Variants in PPP1R1C observed in about 807,000 individuals in gnomAD.
PPP1R1C encodes protein phosphatase 1 regulatory inhibitor subunit 1C, also known as protein phosphatase 1 regulatory subunit 1C.
A neutral mutation model predicts 17.4 loss-of-function variants in PPP1R1C; 15 were observed. That is an observed-to-expected ratio of 0.86 (90% confidence interval 0.58 to 1.33). PPP1R1C has a LOEUF of 1.33. Ranked by LOEUF, PPP1R1C falls within the 40% of genes most tolerant of loss-of-function variation. The pLI is 0.00. For synonymous variants in PPP1R1C, 35 were observed against 43.1 expected, an observed-to-expected ratio of 0.81 and a Z score of 0.73; for missense variants, 143 against 130.0, an observed-to-expected ratio of 1.10 and a Z score of -0.48.
At chr2:182,044,215 C>A (rs536267319) in intron 2 of PPP1R1C, among the ~76,000 whole-genome samples, 1 of 152,154 alleles carries the variant, frequency 6.6e-6, no homozygotes, top group South Asian at 2.1e-4. Flanking sequence ...AATGATCTTT[C>A]TACGAAAGAA....
At chr2:182,013,072 C>CCAT (rs1686141583) in intron 2 of PPP1R1C, among the ~76,000 whole-genome samples, 1 of 152,090 alleles carries the variant, frequency 6.6e-6, no homozygotes, top group Non-Finnish European at 1.5e-5. Context: ...ACCATAGTTA[C>CCAT]AGTGTCATAA....
intron 4 of PPP1R1C, among the ~76,000 whole-genome samples, chr2:182,068,772 A>G (rs1286974343): frequency 6.6e-6 from 1 of 152,242 alleles, no homozygotes; most frequent in Non-Finnish European, 1.5e-5. Context: ...TTGGGGTGCT[A>G]TAGCAGATTA....
At chr2:182,053,654 G>A (rs1248246372) in intron 2 of PPP1R1C, among the ~76,000 whole-genome samples, 1 of 151,808 alleles carries the variant, frequency 6.6e-6, no homozygotes, top group Non-Finnish European at 1.5e-5. Context: ...CTTGGCATCT[G>A]TTTTATTTAT....
chr2:182,009,647 C>A (rs978346258), intron 2 of PPP1R1C, among the ~76,000 whole-genome samples: 4 of 151,922 alleles, frequency 2.6e-5, no homozygotes, highest in Non-Finnish European at 5.9e-5. Flanking sequence ...TTCTATTTGT[C>A]CATTTTTGCT....
intron 2 of PPP1R1C, among the ~76,000 whole-genome samples, chr2:182,014,049 G>A (rs759853681): frequency 1.3e-5 from 2 of 152,162 alleles, no homozygotes; most frequent in Non-Finnish European, 2.9e-5. Flanking sequence ...ACCATATTTA[G>A]TTAGTTGTCG....
rs564418366 is a variant in PPP1R1C, at chr2:182,128,242, C to A, written c.*7-732C>A. Among the ~76,000 whole-genome samples, 28 of 152,086 alleles carry A rather than the reference C, an allele frequency of 1.8e-4. 2 individuals are homozygous for A. Among genetic ancestry groups the A allele is most frequent in the Admixed American group, 1.7e-3 (26 of 15,258 alleles). On this transcript the variant is annotated intron_variant, in intron 5 of 5. Coordinates refer to the PPP1R1C transcript ENST00000280295. ...ATGTAAACTAATAAAGTAATGAAAT[C>A]ATTTCTGATAATGATAAGTTTCTGG... is the stretch of plus-strand genomic sequence containing the variant.
intron 4 of PPP1R1C, among the ~76,000 whole-genome samples, chr2:182,074,950 T>A (rs1290099968): frequency 6.6e-6 from 1 of 152,158 alleles, no homozygotes; most frequent in Non-Finnish European, 1.5e-5. Context: ...ACACCCTAGG[T>A]CAGATTTTGA....
At chr2:181,964,759 G>T (rs1183493402) in intron 1 of PPP1R1C, among the ~76,000 whole-genome samples, 2 of 152,104 alleles carry the variant, frequency 1.3e-5, no homozygotes, top group East Asian at 3.9e-4. Flanking sequence ...AGGCTGAAGT[G>T]CAGTGGTGCA....
intron 2 of PPP1R1C, among the ~76,000 whole-genome samples, chr2:182,035,384 T>C (rs996915246): frequency 6.6e-6 from 1 of 152,246 alleles, no homozygotes; most frequent in African/African-American, 2.4e-5. Flanking sequence ...TAACAAATCA[T>C]GTAAGTGCCT....
At chr2:181,984,101 T>C (rs1685245417), upstream of PPP1R1C, among the ~76,000 whole-genome samples, 1 of 152,370 alleles carries the variant, frequency 6.6e-6, no homozygotes, top group South Asian at 2.1e-4. Context: ...TTAGTGATTC[T>C]GGTTGAAAAT....
chr2:182,034,096 AT>A (rs1180747139), intron 2 of PPP1R1C, among the ~76,000 whole-genome samples: 1 of 152,158 alleles, frequency 6.6e-6, no homozygotes, highest in Non-Finnish European at 1.5e-5. Flanking sequence ...TAATACATTT[AT>A]TTATTAGTTT....
intron 4 of PPP1R1C, among the ~76,000 whole-genome samples, chr2:182,069,704 A>G (rs1688087488): frequency 6.6e-6 from 1 of 152,186 alleles, no homozygotes; most frequent in Non-Finnish European, 1.5e-5. Flanking sequence ...TCATTTGTCT[A>G]TATATATGTT....
chr2:181,964,581 A>T (rs927755100), intron 1 of PPP1R1C, among the ~76,000 whole-genome samples: 12 of 152,164 alleles, frequency 7.9e-5, no homozygotes, highest in African/African-American at 2.9e-4. Context: ...TTACATTCCC[A>T]CCAATGGGGT....
intron 2 of PPP1R1C, among the ~76,000 whole-genome samples, chr2:182,058,808 G>T (rs953260502): frequency 6.6e-6 from 1 of 152,068 alleles, no homozygotes; most frequent in African/African-American, 2.4e-5. Flanking sequence ...TTTCCTTAGC[G>T]TTGTCTCTGC....
chr2:182,063,703 G>C, intron 3 of PPP1R1C, 28 bp from the exon 4 acceptor site: 1 of 1,590,708 alleles, frequency 6.3e-7, no homozygotes, highest in Non-Finnish European at 8.6e-7. Context: ...CAAATCTAAG[G>C]CTTTTACTTT....
intron 4 of PPP1R1C, among the ~76,000 whole-genome samples, chr2:182,112,947 A>G (rs1559098004): frequency 1.3e-5 from 2 of 152,212 alleles, no homozygotes; most frequent in African/African-American, 2.4e-5. Context: ...TTGGGCCATT[A>G]TATCATTTGA....
intron 2 of PPP1R1C, among the ~76,000 whole-genome samples, chr2:182,053,288 A>G (rs548029831): frequency 2.9e-4 from 44 of 152,296 alleles, no homozygotes; most frequent in African/African-American, 1.0e-3. Context: ...ATGTACAAAT[A>G]TTTGTTTTAT....
rs1688806845 is a variant in PPP1R1C at position 182,092,380 on chromosome 2, G to A, written c.242-24827G>A. Among the ~76,000 whole-genome samples the A allele has an allele frequency of 2.0e-5, 3 of 152,214 alleles. 1 individual carries two copies. In the South Asian group the frequency reaches 6.2e-4, roughly 32 times the overall value. On this transcript the variant is annotated intron_variant, in intron 4 of 4. Transcript: ENST00000682840. ...CCCACAATATATGGGAATTATGGGA[G>A]ATACAAGATGAGATTTGGGTGGGGA...
intron 4 of PPP1R1C, among the ~76,000 whole-genome samples, chr2:182,071,412 G>T (rs1688136315): frequency 6.6e-6 from 1 of 152,196 alleles, no homozygotes; most frequent in Non-Finnish European, 1.5e-5. Context: ...CAGAGATAAA[G>T]TAACATTTCA....
Sources: allele counts gnomAD v4.1 joint callset (sites outside exome capture counted in the v4.1 genomes callset), GRCh38; gene constraint gnomAD v4.1.1; transcripts MANE v1.5; gene names NCBI Gene and HGNC (gene_info 2026-07-23, HGNC 2026-07-21).